Variants in CDH4 observed in about 807,000 individuals in gnomAD.
CDH4 encodes the protein cadherin 4.
Under a neutral mutation model 86.0 loss-of-function variants are expected in CDH4, and 33 were observed. The observed-to-expected ratio is 0.38, with a 90% confidence interval of 0.29 to 0.51. The LOEUF (loss-of-function observed/expected upper bound fraction) is 0.51, where lower values mean the gene tolerates loss of function less well. Among genes scored for constraint, CDH4 ranks in the 20% least tolerant of loss-of-function variants. The probability of loss-of-function intolerance (pLI) is 0.86; values close to 1 mark genes in which losing one functional copy is unlikely to be tolerated. For synonymous variants in CDH4, 555 were observed against 549.4 expected, an observed-to-expected ratio of 1.01 and a Z score of -0.14; for missense variants, 1,114 against 1,307.4, an observed-to-expected ratio of 0.85 and a Z score of 2.28.
At chr20:61,492,057 G>A (rs1485609036) in intron 2 of CDH4, among the ~76,000 whole-genome samples, 2 of 151,806 alleles carry the variant, frequency 1.3e-5, no homozygotes, top group African/African-American at 4.8e-5. Flanking sequence ...TATTGATGTT[G>A]CTGATGGTGG....
Position 61,303,142 on chromosome 20 carries a change from A to T in CDH4, c.169+48205A>T, listed in dbSNP as rs187586558. The stretch of plus-strand genomic sequence containing the variant: ...ACGTTACGGCCACAGTAGGAAGCAG[A>T]TACACCCTGAGACCCAAAGCATGTG... On this transcript the variant is annotated intron_variant, in intron 2 of 15. Transcript: ENST00000614565. Among the ~76,000 whole-genome samples, 318 of 152,310 alleles carry T rather than the reference A, an allele frequency of 2.1e-3. 1 individual carries two copies. The highest frequency in any genetic ancestry group is 7.3e-3 in the African/African-American group (305 of 41,572).
intron 2 of CDH4, among the ~76,000 whole-genome samples, chr20:61,686,600 C>T (rs767623047): frequency 6.8e-6 from 1 of 146,380 alleles, no homozygotes; most frequent in Non-Finnish European, 1.5e-5. Flanking sequence ...TGTGCATGAG[C>T]ACGTGTGTGC....
At chr20:61,334,128 C>T (rs1032144358) in intron 2 of CDH4, among the ~76,000 whole-genome samples, 3 of 152,200 alleles carry the variant, frequency 2.0e-5, no homozygotes, top group Non-Finnish European at 2.9e-5. Context: ...CAGTAAGCCT[C>T]TGGGCCACCC....
intron 2 of CDH4, among the ~76,000 whole-genome samples, chr20:61,386,834 T>C (rs2084953973): frequency 6.6e-6 from 1 of 152,240 alleles, no homozygotes; most frequent in South Asian, 2.1e-4. Context: ...CCAAAGGTGC[T>C]TCCTGAGAGA....
chr20:61,440,770 A>G (rs62200872), intron 2 of CDH4, among the ~76,000 whole-genome samples: 25,532 of 152,176 alleles, frequency 0.17, 2,228 homozygotes, highest in Non-Finnish European at 0.18. Flanking sequence ...TGGTGTCCTC[A>G]GCAGGTGTCC....
At chr20:61,285,402 T>C (rs888395031) in intron 2 of CDH4, among the ~76,000 whole-genome samples, 4 of 150,548 alleles carry the variant, frequency 2.7e-5, no homozygotes, top group East Asian at 3.9e-4. Flanking sequence ...GAGTGTAGCA[T>C]AGAGCAGGGG....
Position 61,932,908 on chromosome 20 carries a change from T to C in CDH4, c.2240-77T>C, listed in dbSNP as rs148676419. 4.5e-3 allele frequency: 7,016 copies of C among 1,556,056 alleles called. 16 individuals carry two copies. Among genetic ancestry groups the C allele is most frequent in the Non-Finnish European group, 5.2e-3 (5,969 of 1,145,240 alleles). ...TGCCACCTGCATGTACATGCCCACA[T>C]AGACACATGGCAAACACAGAGGCAC... On this transcript the variant is annotated intron_variant, in intron 13 of 15. Transcript: ENST00000614565.
chr20:61,936,859 G>C lies in CDH4; in HGVS notation c.2667G>C (p.Gly889=), dbSNP rs2123026370. 5 of 1,608,846 alleles carry C rather than the reference G, an allele frequency of 3.1e-6. No individual in the cohort carries two copies. In the African/African-American group the frequency reaches 5.4e-5, roughly 17 times the overall value. Residue 889 remains glycine, a synonymous_variant, in exon 16 of 16, where the codon GGG becomes GGC. Coordinates refer to ENST00000614565, the MANE Select transcript of CDH4 (RefSeq NM_001794.5). The part of the protein sequence containing the change: ...SVSSLNSSSS[G]DQDYDYLNDW... ...GCTCCCTGAACTCATCCAGTTCCGG[G>C]GACCAAGACTACGATTACCTCAACG...
rs564999310 is a variant in CDH4 at position 61,857,572 on chromosome 20, G to A, written c.877+4674G>A. Reference sequence around the variant, plus strand: ...AGGGGCCCCCCATGTGGAGGGAGCTGGGGCCTGGCTTCGCAGCCCTCACTC... The same window carrying A: ...AGGGGCCCCCCATGTGGAGGGAGCTAGGGCCTGGCTTCGCAGCCCTCACTC... On this transcript the variant is annotated intron_variant, in intron 6 of 15. Coordinates refer to ENST00000614565, the MANE Select transcript of CDH4 (RefSeq NM_001794.5). Among the ~76,000 whole-genome samples, 4 of 152,392 alleles carry A rather than the reference G, an allele frequency of 2.6e-5. No individual in the cohort carries two copies. In the East Asian group the frequency reaches 7.7e-4, roughly 29 times the overall value.
chr20:61,366,301 T>A (rs990038962), intron 2 of CDH4, among the ~76,000 whole-genome samples: 1 of 152,148 alleles, frequency 6.6e-6, no homozygotes, highest in African/African-American at 2.4e-5. Context: ...TGGCTTAGAG[T>A]CTGGTCAAGG....
intron 2 of CDH4, among the ~76,000 whole-genome samples, chr20:61,260,171 C>G (rs1247597322): frequency 2.0e-5 from 3 of 152,218 alleles, no homozygotes; most frequent in Non-Finnish European, 4.4e-5. Context: ...GGTTTTCAGG[C>G]TCCCTCTACC....
Position 61,582,301 on chromosome 20 carries a change from A to G in CDH4, c.170-161262A>G, listed in dbSNP as rs979557863. On this transcript the variant is annotated intron_variant, in intron 2 of 15. Transcript: ENST00000614565. This position sits in a 1 kb window ranked among gnomAD's most constrained non-coding sequence, Gnocchi z 4.2. ...GATGTTTGCCTCCTTATCTGTTTCC[A>G]TGAGCCAGGTGCCCTGCACGGATCC... 6.6e-6 allele frequency among the ~76,000 whole-genome samples: 1 copy of G among 152,112 alleles called. No individual in the cohort carries two copies. The highest frequency in any genetic ancestry group is 6.5e-5 in the Admixed American group (1 of 15,278).
intron 2 of CDH4, among the ~76,000 whole-genome samples, chr20:61,653,207 A>G (rs1464472726): frequency 2.3e-5 from 3 of 130,310 alleles, no homozygotes; most frequent in African/African-American, 8.0e-5. Flanking sequence ...AATCCATTTA[A>G]CCCTGAGTGG....
chr20:61,766,323 G>A (rs2088698016), intron 3 of CDH4, among the ~76,000 whole-genome samples: 1 of 151,988 alleles, frequency 6.6e-6, no homozygotes, highest in African/African-American at 2.4e-5. Context: ...GAGTTCGCCT[G>A]CCCCCCAGCC....
At chr20:61,825,281 C>T (rs1469381617) in intron 4 of CDH4, among the ~76,000 whole-genome samples, 1 of 152,070 alleles carries the variant, frequency 6.6e-6, no homozygotes, top group African/African-American at 2.4e-5. Flanking sequence ...TGGTGGTGTA[C>T]GCCTGTAGTT....
intron 6 of CDH4, among the ~76,000 whole-genome samples, chr20:61,860,675 A>C (rs1033259392): frequency 6.6e-6 from 1 of 152,174 alleles, no homozygotes; most frequent in African/African-American, 2.4e-5. Context: ...CAGGAGGGGA[A>C]GAGGCATCAC....
chr20:61,699,382 G>A (rs1393865250), intron 2 of CDH4, among the ~76,000 whole-genome samples: 1 of 152,156 alleles, frequency 6.6e-6, no homozygotes, highest in Non-Finnish European at 1.5e-5. Context: ...GGGCTCCCTG[G>A]GCTAGTGACA....
In CDH4 at chr20:61,754,290, ACAGACCCCAAGG is replaced by A. The variant is rs1331396798; in HGVS notation, c.396+10504_396+10515del. Among the ~76,000 whole-genome samples, 28 of 152,314 alleles carry A rather than the reference ACAGACCCCAAGG, an allele frequency of 1.8e-4. No individual in the cohort carries two copies. In the East Asian group the frequency reaches 5.4e-3, roughly 29 times the overall value. On this transcript the variant is annotated intron_variant, in intron 3 of 15. Transcript: ENST00000614565. This position sits in a 1 kb window ranked among gnomAD's most constrained non-coding sequence, Gnocchi z 4.7. ...TGGAGACTCAGATGGCAGAGTGCAG[ACAGACCCCAAGG>A]CATCCCCGAAGGCAGGGAGGAGTGT...
chr20:61,298,780 C>T (rs895314673), intron 2 of CDH4, among the ~76,000 whole-genome samples: 3 of 146,742 alleles, frequency 2.0e-5, no homozygotes, highest in South Asian at 2.2e-4. Context: ...AGTTAAGCTG[C>T]GAAGGGGTCT....
Sources: gnomAD v4.1 joint callset for allele counts (sites outside exome capture counted in the v4.1 genomes callset) on GRCh38, gnomAD v4.1.1 for gene constraint, Gnocchi (gnomAD v3.1) non-coding constraint, MANE v1.5 for transcripts, NCBI Gene and HGNC (gene_info 2026-07-23, HGNC 2026-07-21) for gene names.